Variants in MRPL1 observed in about 807,000 individuals in gnomAD.
MRPL1 encodes mitochondrial ribosomal protein L1, also known as large ribosomal subunit protein uL1m.
A neutral mutation model predicts 38.0 loss-of-function variants in MRPL1; 28 were observed. That is an observed-to-expected ratio of 0.74 (90% CI 0.55 to 1.01). The LOEUF (loss-of-function observed/expected upper bound fraction) is 1.01, where lower values mean the gene tolerates loss of function less well. MRPL1 is among the 50% of genes least tolerant of loss of function. MRPL1 has a pLI of 0.00. For missense variants in MRPL1, 358 were observed against 389.8 expected (o/e 0.92, Z 0.69); for synonymous variants, 123 against 126.7 (o/e 0.97, Z 0.20).
In MRPL1 at chr4:77,949,742, T is replaced by C; in HGVS notation, c.778-55T>C. The C allele has an allele frequency of 2.5e-6, 3 of 1,215,052 alleles. 1 individual carries two copies. The South Asian group carries it at 4.0e-5, about 16-fold the overall frequency. The allele number at this position is 1,215,052 out of a possible 1,614,324, so 75.3% of individuals were successfully genotyped here. On this transcript the variant is annotated intron_variant, in intron 7 of 8. Coordinates refer to ENST00000315567, the MANE Select transcript of MRPL1 (RefSeq NM_020236.4). Reference sequence around the variant, plus strand: ...CTATTTGAAAAATAGTCTAGAATAATTTATTATCTTCTTGCTTTCTCATCA... The same window carrying C: ...CTATTTGAAAAATAGTCTAGAATAACTTATTATCTTCTTGCTTTCTCATCA...
intron 1 of MRPL1, among the ~76,000 whole-genome samples, chr4:77,867,261 CAT>C (rs1164544429): frequency 2.0e-5 from 3 of 152,182 alleles, no homozygotes; most frequent in African/African-American, 2.4e-5. Context: ...AGTGCTAGCA[CAT>C]GTTTCATTGG....
chr4:77,863,128 T>C, intron 1 of MRPL1: 1 of 552,930 alleles, frequency 1.8e-6, no homozygotes, highest in Non-Finnish European at 3.2e-6. Flanking sequence ...TCCAGCCACC[T>C]ATGGGCATGG....
chr4:77,898,776 G>A (rs1165825309), intron 6 of MRPL1, among the ~76,000 whole-genome samples: 1 of 151,778 alleles, frequency 6.6e-6, no homozygotes, highest in African/African-American at 2.4e-5. Context: ...TTACATGCGT[G>A]AGCCACCGCA....
chr4:77,894,310 G>C, intron 6 of MRPL1, 60 bp downstream of exon 6: 2 of 1,077,384 alleles, frequency 1.9e-6, no homozygotes, highest in Non-Finnish European at 1.4e-6. Flanking sequence ...ACTTTGCTTA[G>C]TTAGGAAACA....
chr4:77,933,076 A>G (rs553166617), intron 7 of MRPL1, among the ~76,000 whole-genome samples: 5 of 152,288 alleles, frequency 3.3e-5, no homozygotes, highest in Non-Finnish European at 7.4e-5. Flanking sequence ...CAGCCTCTCA[A>G]GTAGTTAGGA....
In MRPL1 at chr4:77,897,072, C is replaced by CT. The variant is rs113485592; in HGVS notation, c.670+2832dup. Among the ~76,000 whole-genome samples, 75 of 149,094 alleles carry CT rather than the reference C, an allele frequency of 5.0e-4. 1 individual carries two copies. The South Asian group carries it at 0.013, about 26-fold the overall frequency. On this transcript the variant is annotated intron_variant, in intron 6 of 8. Coordinates refer to ENST00000315567, the MANE Select transcript of MRPL1 (RefSeq NM_020236.4). ...CTAAAAACACTAGCGTGAAATATATCTTTTTTTTTTATGAGTCAGAGTTTC... is the reference window on the plus strand; with the variant it reads ...CTAAAAACACTAGCGTGAAATATATCTTTTTTTTTTTATGAGTCAGAGTTTC...
At chr4:77,867,588 G>A (rs1013149622) in intron 1 of MRPL1, among the ~76,000 whole-genome samples, 1 of 151,698 alleles carries the variant, frequency 6.6e-6, no homozygotes, top group Non-Finnish European at 1.5e-5. Context: ...GTCTCACTAT[G>A]TTGCCCAAGC....
intron 7 of MRPL1, among the ~76,000 whole-genome samples, chr4:77,945,304 A>G (rs1260130199): frequency 3.9e-5 from 6 of 152,020 alleles, no homozygotes; most frequent in African/African-American, 1.4e-4. Context: ...CACACTTTAT[A>G]TAGTCTTAGA....
At chr4:77,907,114 T>C in intron 6 of MRPL1, 1 of 985,346 alleles carries the variant, frequency 1.0e-6, no homozygotes, top group Non-Finnish European at 1.2e-6. Context: ...TGCTTGAGCA[T>C]GGTGGGAGTG....
intron 1 of MRPL1, among the ~76,000 whole-genome samples, chr4:77,867,895 T>C (rs1735185824): frequency 6.6e-6 from 1 of 151,722 alleles, no homozygotes; most frequent in Admixed American, 6.6e-5. Context: ...TAGCTGAGAC[T>C]ATAGGCGCCC....
intron 8 of MRPL1, among the ~76,000 whole-genome samples, chr4:77,951,071 T>C (rs913132976): frequency 2.6e-5 from 4 of 152,182 alleles, no homozygotes; most frequent in Non-Finnish European, 4.4e-5. Flanking sequence ...GGTTTCACCA[T>C]GTTGGCCAGG....
chr4:77,949,603 A>G (rs1260539382), intron 7 of MRPL1, among the ~76,000 whole-genome samples, 194 bp from the exon 8 acceptor site: 1 of 152,174 alleles, frequency 6.6e-6, no homozygotes, highest in Non-Finnish European at 1.5e-5. Flanking sequence ...TGTTCTATAA[A>G]TCTATTAAAT....
intron 6 of MRPL1, among the ~76,000 whole-genome samples, chr4:77,907,714 G>A (rs879005294): frequency 2.3e-4 from 35 of 151,738 alleles, no homozygotes; most frequent in Admixed American, 5.3e-4. Context: ...ACAGGCATGC[G>A]CCACCACCTC....
At chr4:77,949,731 G>A in intron 7 of MRPL1, 66 bp from the exon 8 acceptor site, 7 of 1,144,820 alleles carry the variant, frequency 6.1e-6, no homozygotes, top group Non-Finnish European at 9.0e-6. Flanking sequence ...TTGAAAAATA[G>A]TCTAGAATAA....
chr4:77,930,899 A>G (rs1230645751), intron 7 of MRPL1, among the ~76,000 whole-genome samples: 1 of 152,246 alleles, frequency 6.6e-6, no homozygotes, highest in Admixed American at 6.5e-5. Context: ...AAATGAGTAC[A>G]AAACAAATGC....
At chr4:77,893,542 C>T (rs1273639851) in intron 5 of MRPL1, among the ~76,000 whole-genome samples, 1 of 151,612 alleles carries the variant, frequency 6.6e-6, no homozygotes, top group African/African-American at 2.4e-5. Context: ...ATATTAATTC[C>T]TTTGTTCTGA....
At chr4:77,866,750 T>G (rs73827445) in intron 1 of MRPL1, among the ~76,000 whole-genome samples, 1 of 141,826 alleles carries the variant, frequency 7.1e-6, no homozygotes, top group Non-Finnish European at 1.5e-5. Context: ...ATCACCCCCC[T>G]TTTTTTTTTT....
At chr4:77,902,560 A>G (rs1736060391) in intron 6 of MRPL1, among the ~76,000 whole-genome samples, 1 of 152,146 alleles carries the variant, frequency 6.6e-6, no homozygotes, top group Non-Finnish European at 1.5e-5. Flanking sequence ...AGAACAAACA[A>G]TAGCAATGAA....
chr4:77,943,200 T>C (rs1484907258), intron 7 of MRPL1, among the ~76,000 whole-genome samples: 1 of 152,102 alleles, frequency 6.6e-6, no homozygotes, highest in Non-Finnish European at 1.5e-5. Flanking sequence ...AGGCTGAAGA[T>C]GGGGCCCTAA....
Sources: gnomAD v4.1 joint callset for allele counts (sites outside exome capture counted in the v4.1 genomes callset) on GRCh38, gnomAD v4.1.1 for gene constraint, MANE v1.5 for transcripts, NCBI Gene and HGNC (gene_info 2026-07-23, HGNC 2026-07-21) for gene names.